Variants in SORCS2 observed in about 807,000 individuals in gnomAD.
SORCS2 encodes VPS10 domain-containing receptor SorCS2.
SORCS2 carries 100 observed loss-of-function variants against 141.6 expected under a neutral mutation model. That is an observed-to-expected ratio of 0.71 (90% CI 0.60 to 0.83). SORCS2 has a LOEUF of 0.83. SORCS2 is among the 40% of genes least tolerant of loss of function. The pLI is 0.00. For missense variants in SORCS2, 1,646 were observed against 1,560.2 expected, an observed-to-expected ratio of 1.05 and a Z score of -0.93; for synonymous variants, 789 against 676.9, an observed-to-expected ratio of 1.17 and a Z score of -2.57.
intron 9 of SORCS2, among the ~76,000 whole-genome samples, chr4:7,676,905 TCCCTCTCTCC>T (rs1345002732): frequency 1.2e-4 from 1 of 8,328 alleles, no homozygotes; most frequent in African/African-American, 4.6e-4. Context: ...TCTCTCTCTC[TCCCTCTCTCC>T]CTCTCTCCCT....
intron 2 of SORCS2, among the ~76,000 whole-genome samples, chr4:7,502,055 G>A (rs980188156): frequency 3.9e-5 from 6 of 152,186 alleles, no homozygotes; most frequent in African/African-American, 1.2e-4. Context: ...CTTCCTGAGC[G>A]CCAGTCACAT....
intron 1 of SORCS2, among the ~76,000 whole-genome samples, chr4:7,246,521 G>A (rs1376156901): frequency 6.6e-6 from 1 of 152,082 alleles, no homozygotes; most frequent in Non-Finnish European, 1.5e-5. Flanking sequence ...CTCACCTGGG[G>A]CTTAAATGAA....
intron 1 of SORCS2, among the ~76,000 whole-genome samples, chr4:7,314,829 T>TTTTTTTTTTTTTTTTTTTTTTTTG (rs1560185676): frequency 1.7e-5 from 2 of 116,516 alleles, no homozygotes; most frequent in African/African-American, 7.1e-5. Flanking sequence ...TTTTTTTTTT[T>TTTTTTTTTTTTTTTTTTTTTTTTG]ATTGTTGTTG....
chr4:7,349,390 G>C (rs1720814208), intron 1 of SORCS2, among the ~76,000 whole-genome samples: 1 of 152,148 alleles, frequency 6.6e-6, no homozygotes, highest in South Asian at 2.1e-4. Flanking sequence ...GCTGCCACTG[G>C]CCCCGTGCCG....
At chr4:7,220,385 C>T (rs949171204) in intron 1 of SORCS2, among the ~76,000 whole-genome samples, 8 of 152,146 alleles carry the variant, frequency 5.3e-5, no homozygotes, top group Non-Finnish European at 8.8e-5. Context: ...GTCTTCTCTG[C>T]ACCCCACTAC....
intron 25 of SORCS2, among the ~76,000 whole-genome samples, chr4:7,735,586 G>A (rs1712100121): frequency 6.6e-6 from 1 of 152,140 alleles, no homozygotes. Flanking sequence ...CTTCTGGTGG[G>A]GATCCTGAAG....
At chr4:7,332,981 G>T (rs578256525) in intron 1 of SORCS2, among the ~76,000 whole-genome samples, 2 of 152,358 alleles carry the variant, frequency 1.3e-5, no homozygotes, top group East Asian at 3.9e-4. Context: ...TTTGAGGAGG[G>T]TTAGAATAGG....
At chr4:7,382,320 C>A (rs564298230) in intron 1 of SORCS2, among the ~76,000 whole-genome samples, 11 of 152,272 alleles carry the variant, frequency 7.2e-5, no homozygotes, top group Admixed American at 7.2e-4. Context: ...GTGACATTGC[C>A]ATCATCCTCA....
Position 7,704,043 on chromosome 4 carries a change from G to C in SORCS2, c.1761-134G>C, listed in dbSNP as rs1313298432. 5 of 715,494 alleles carry C rather than the reference G, an allele frequency of 7.0e-6. No individual in the cohort carries two copies. The South Asian group carries it at 7.8e-5, about 11-fold the overall frequency. 44.3% of individuals were successfully genotyped at this position (715,494 alleles called of 1,614,324 possible). On this transcript the variant is annotated intron_variant, in intron 13 of 26. Transcript: ENST00000507866. Reference sequence around the variant, plus strand: ...GATATGAGCAGATGTGACATAAGCAGATGTGGTATCACCTGCACTGGCAAG... The same window carrying C: ...GATATGAGCAGATGTGACATAAGCACATGTGGTATCACCTGCACTGGCAAG...
chr4:7,649,983 A>G lies in SORCS2; in HGVS notation c.814-4151A>G, dbSNP rs373170968. Among the ~76,000 whole-genome samples the G allele has an allele frequency of 2.8e-4, 42 of 152,258 alleles. No individual in the cohort carries two copies. The South Asian group carries it at 8.5e-3, about 31-fold the overall frequency. On this transcript the variant is annotated intron_variant, in intron 4 of 26. Transcript: ENST00000507866. ...GATGTGGCCTCTGATCCTGGCGGCT[A>G]TTAGTGTGAATGATGTGCCCGTTAT...
chr4:7,680,896 A>C (rs1230683967), intron 9 of SORCS2, among the ~76,000 whole-genome samples: 8 of 152,218 alleles, frequency 5.3e-5, no homozygotes, highest in African/African-American at 1.9e-4. Flanking sequence ...CTGTACCACC[A>C]TGTGCCTGTC....
rs549869451 is a variant in SORCS2, at chr4:7,348,008, G to A, written c.481-48280G>A. ...AATCACATGAAATGAACAGGCACAG[G>A]CAACCACAATTTTGATGAACGGAAG... On this transcript the variant is annotated intron_variant, in intron 1 of 26. Coordinates refer to ENST00000507866, the MANE Select transcript of SORCS2 (RefSeq NM_020777.3). Among the ~76,000 whole-genome samples, 16 of 152,324 alleles carry A rather than the reference G, an allele frequency of 1.1e-4. No homozygotes were observed. In the East Asian group the frequency reaches 3.1e-3, roughly 29 times the overall value.
chr4:7,710,104 C>A (rs1725728192), intron 14 of SORCS2, among the ~76,000 whole-genome samples: 1 of 152,204 alleles, frequency 6.6e-6, no homozygotes. Flanking sequence ...ACCAAACCAG[C>A]CTCTCTGCTC....
chr4:7,730,912 C>T (rs141127753), intron 23 of SORCS2, among the ~76,000 whole-genome samples: 60 of 152,344 alleles, frequency 3.9e-4, no homozygotes, highest in African/African-American at 1.3e-3. Flanking sequence ...CAGAAGCTCA[C>T]ATAGCCTGCA....
chr4:7,558,442 G>A (rs1314389691), intron 3 of SORCS2, among the ~76,000 whole-genome samples: 1 of 152,150 alleles, frequency 6.6e-6, no homozygotes, highest in Non-Finnish European at 1.5e-5. Context: ...TACCACTTTG[G>A]GCTGAGGAAG....
At chr4:7,697,363 C>T in intron 12 of SORCS2, 89 bp downstream of exon 12, 2 of 1,165,734 alleles carry the variant, frequency 1.7e-6, no homozygotes, top group East Asian at 5.2e-5. Flanking sequence ...CCGTCCATTC[C>T]AGAGGCTCTG....
At chr4:7,515,073 G>A (rs1013802737) in intron 2 of SORCS2, among the ~76,000 whole-genome samples, 1 of 152,148 alleles carries the variant, frequency 6.6e-6, no homozygotes, top group Non-Finnish European at 1.5e-5. Flanking sequence ...TCTGCTTCTG[G>A]GAGGGATGGG....
intron 1 of SORCS2, among the ~76,000 whole-genome samples, chr4:7,323,266 C>A (rs1719020261): frequency 2.0e-5 from 3 of 152,186 alleles, no homozygotes; most frequent in Admixed American, 6.5e-5. Flanking sequence ...AGCATCCTAG[C>A]AGCCAAAGTG....
chr4:7,274,630 T>C (rs1053013883), intron 1 of SORCS2, among the ~76,000 whole-genome samples: 8 of 152,294 alleles, frequency 5.3e-5, no homozygotes, highest in African/African-American at 1.7e-4. Flanking sequence ...TCTGTCCCCA[T>C]GATCCAATCA....
Sources: allele counts gnomAD v4.1 joint callset (sites outside exome capture counted in the v4.1 genomes callset), GRCh38; gene constraint gnomAD v4.1.1; transcripts MANE v1.5; gene names NCBI Gene and HGNC (gene_info 2026-07-23, HGNC 2026-07-21).